Variants in SCAPER observed in about 807,000 individuals in gnomAD.
SCAPER encodes the protein S phase cyclin A-associated protein in the endoplasmic reticulum.
SCAPER carries 98 observed loss-of-function variants against 182.2 expected under a neutral mutation model. That is an observed-to-expected ratio of 0.54 (90% confidence interval 0.46 to 0.64). The LOEUF is 0.64. SCAPER is among the 30% of genes least tolerant of loss of function. SCAPER has a pLI of 0.00. For missense variants in SCAPER, 1,432 were observed against 1,690.0 expected (o/e 0.85, Z 2.68); for synonymous variants, 605 against 564.6 (o/e 1.07, Z -1.01).
At chr15:76,523,970 G>A (rs2043003039) in intron 23 of SCAPER, among the ~76,000 whole-genome samples, 2 of 152,042 alleles carry the variant, frequency 1.3e-5, no homozygotes, top group South Asian at 4.1e-4. Flanking sequence ...ATAACTGTCA[G>A]TACTGAAATA....
rs1461536149 is a variant in SCAPER, at chr15:76,569,803, C to T, written c.2838+4355G>A. 3.9e-5 allele frequency among the ~76,000 whole-genome samples: 6 copies of T among 151,968 alleles called. 1 individual carries two copies. The East Asian group carries it at 5.8e-4, about 15-fold the overall frequency. On this transcript the variant is annotated intron_variant, in intron 23 of 31. Coordinates refer to ENST00000563290, the MANE Select transcript of SCAPER (RefSeq NM_020843.4). ...CAGTGCTTGCTTTATTCTACTGTTA[C>T]CTCACCTATAATTTTTGTAATTTTT...
intron 23 of SCAPER, among the ~76,000 whole-genome samples, chr15:76,560,250 T>A (rs2145131167): frequency 6.6e-6 from 1 of 152,222 alleles, no homozygotes; most frequent in East Asian, 1.9e-4. Context: ...AAGGGAGTAA[T>A]CCTATCCTAC....
chr15:76,685,292 A>G (rs925684276), intron 20 of SCAPER, among the ~76,000 whole-genome samples: 1 of 152,002 alleles, frequency 6.6e-6, no homozygotes, highest in Non-Finnish European at 1.5e-5. Context: ...TGTGTTCACC[A>G]TTGTACTATG....
intron 22 of SCAPER, among the ~76,000 whole-genome samples, chr15:76,600,536 G>A (rs2049861693): frequency 8.9e-6 from 1 of 112,354 alleles, no homozygotes; most frequent in Admixed American, 1.1e-4. Context: ...TGCAACCTCC[G>A]CCTCCCAGGT....
chr15:76,541,250 T>C (rs1180070922), intron 23 of SCAPER, among the ~76,000 whole-genome samples: 3 of 152,088 alleles, frequency 2.0e-5, no homozygotes, highest in Non-Finnish European at 2.9e-5. Context: ...TATACACATA[T>C]ACCTTTGAAA....
chr15:76,498,015 AAAAAATAAG>A (rs2040749911), intron 24 of SCAPER, among the ~76,000 whole-genome samples: 1 of 147,050 alleles, frequency 6.8e-6, no homozygotes, highest in African/African-American at 2.5e-5. Context: ...AAAAAAAAAA[AAAAAATAAG>A]CACATGAGGC....
At chr15:76,543,142 G>GA (rs1345480294) in intron 23 of SCAPER, among the ~76,000 whole-genome samples, 2 of 151,972 alleles carry the variant, frequency 1.3e-5, no homozygotes, top group Non-Finnish European at 2.9e-5. Context: ...TAGACATTTT[G>GA]AAAAAATGCA....
Position 76,401,072 on chromosome 15 carries a change from C to A in SCAPER, c.3467+3452G>T, listed in dbSNP as rs903007302. Among the ~76,000 whole-genome samples the A allele has an allele frequency of 2.0e-5, 3 of 151,640 alleles. No individual in the cohort carries two copies. In the East Asian group the frequency reaches 5.8e-4, roughly 29 times the overall value. On this transcript the variant is annotated intron_variant, in intron 27 of 31. Transcript: ENST00000563290. ...TCTTAGTGGAAATATAAGTTTGGTC[C>A]TAGGCATGCCTGAAGATTATCCAAG...
At chr15:76,490,561 T>C (rs2052194725) in intron 24 of SCAPER, among the ~76,000 whole-genome samples, 2 of 152,332 alleles carry the variant, frequency 1.3e-5, no homozygotes, top group East Asian at 3.9e-4. Context: ...TTCTCTGATA[T>C]GGTTTGCAAA....
Position 76,795,328 on chromosome 15 carries a change from C to T in SCAPER, c.724G>A (p.Ala242Thr), listed in dbSNP as rs192367223. ...GSTASSEITPAQSCPPMTVQK... is the reference protein window; with the variant it reads ...GSTASSEITPTQSCPPMTVQK... Reference sequence around the variant, plus strand: ...ACTGTCATTGGTGGGCAAGACTGGGCGGGTGTTATTTCTGAAGAAGCAGTA... The same window carrying T: ...ACTGTCATTGGTGGGCAAGACTGGGTGGGTGTTATTTCTGAAGAAGCAGTA... Residue 242 changes from alanine (A) to threonine (T), a missense_variant, in exon 8 of 32, where the codon GCC (alanine) becomes ACC (threonine). By Grantham distance (58) the Ala-to-Thr change is moderately conservative (BLOSUM62 0). Around this residue, in one of 5 missense-constraint regions of SCAPER, gnomAD observed 480 missense variants for 510.2 expected, o/e 0.94. Coordinates refer to ENST00000563290, the MANE Select transcript of SCAPER (RefSeq NM_020843.4). The T allele has an allele frequency of 2.8e-4, 459 of 1,613,062 alleles. 3 individuals are homozygous for T. In the African/African-American group the frequency reaches 5.1e-3, roughly 18 times the overall value.
Position 76,900,857 on chromosome 15 carries a change from T to C in SCAPER, c.-60+4442A>G, listed in dbSNP as rs138506792. On this transcript the variant is annotated intron_variant, in intron 1 of 31. Transcript: ENST00000563290. Reference sequence around the variant, plus strand: ...AGTACATCTATGAATTATCCACATATTGGTCAATAAATTGTAGAAAAATTG... The same window carrying C: ...AGTACATCTATGAATTATCCACATACTGGTCAATAAATTGTAGAAAAATTG... Among the ~76,000 whole-genome samples, 4 of 152,294 alleles carry C rather than the reference T, an allele frequency of 2.6e-5. No individual in the cohort carries two copies. The East Asian group carries it at 5.8e-4, about 22-fold the overall frequency.
At position 76,842,117 on chromosome 15, in the gene SCAPER, A is replaced by G. The variant is rs184284717; in HGVS notation, c.196-186T>C. ...ACAATACAGTATAACAACTATTTAC[A>G]TAACATTTACATTGCATTAGGTATT... is the stretch of plus-strand genomic sequence containing the variant. On this transcript the variant is annotated intron_variant, in intron 4 of 31. Transcript: ENST00000563290. 3.0e-3 allele frequency among the ~76,000 whole-genome samples: 451 copies of G among 152,352 alleles called. 1 individual carries two copies. The highest frequency in any genetic ancestry group is 4.9e-3 in the Non-Finnish European group (332 of 68,026).
chr15:76,552,295 A>G (rs74814634), intron 23 of SCAPER, among the ~76,000 whole-genome samples: 6,780 of 152,176 alleles, frequency 0.045, 452 homozygotes, highest in African/African-American at 0.14. Flanking sequence ...CAAACAAAAC[A>G]AAATAAGAGA....
In SCAPER at chr15:76,893,782, T is replaced by C. The variant is rs118062210; in HGVS notation, c.-59-9906A>G. Among the ~76,000 whole-genome samples, 934 of 152,168 alleles carry C rather than the reference T, an allele frequency of 6.1e-3. 4 individuals are homozygous for C. The highest frequency in any genetic ancestry group is 0.02 in the Middle Eastern group (6 of 294). On this transcript the variant is annotated intron_variant, in intron 1 of 31. Coordinates refer to ENST00000563290, the MANE Select transcript of SCAPER (RefSeq NM_020843.4). ...GGAAGAAAACTGGAAAATTCACAAA[T>C]ATGTGGAAATTAAACAACACACAAC...
At chr15:76,767,921 TAAC>T (rs2078253394) in intron 10 of SCAPER, among the ~76,000 whole-genome samples, 1 of 152,034 alleles carries the variant, frequency 6.6e-6, no homozygotes, top group African/African-American at 2.4e-5. Context: ...GCTGAAGTAT[TAAC>T]ATCAGACACA....
At chr15:76,368,360 G>A (rs1055900980) in intron 29 of SCAPER, among the ~76,000 whole-genome samples, 1 of 152,216 alleles carries the variant, frequency 6.6e-6, no homozygotes, top group Non-Finnish European at 1.5e-5. Flanking sequence ...AATGACTCTA[G>A]GAAACCACTC....
chr15:76,716,495 G>C (rs115599068), intron 17 of SCAPER, among the ~76,000 whole-genome samples: 1 of 151,586 alleles, frequency 6.6e-6, no homozygotes, highest in Admixed American at 6.6e-5. Flanking sequence ...TTCTAAAAAG[G>C]AATTCAAAAT....
chr15:76,478,766 T>G (rs1330236156), intron 24 of SCAPER, among the ~76,000 whole-genome samples: 1 of 152,154 alleles, frequency 6.6e-6, no homozygotes, highest in East Asian at 1.9e-4. Flanking sequence ...CACATTGTTT[T>G]GTGTATTGTA....
At chr15:76,637,832 T>G (rs986325778) in intron 21 of SCAPER, among the ~76,000 whole-genome samples, 2 of 147,786 alleles carry the variant, frequency 1.4e-5, no homozygotes, top group African/African-American at 5.0e-5. Context: ...TCCTAGTTGT[T>G]GTAAAGCAGA....
Sources: gnomAD v4.1 joint callset for allele counts (sites outside exome capture counted in the v4.1 genomes callset) on GRCh38, gnomAD v4.1.1 for gene constraint, gnomAD v4.1.1 regional missense constraint, MANE v1.5 for transcripts, NCBI Gene and HGNC (gene_info 2026-07-23, HGNC 2026-07-21) for gene names.